The following DYM variants were observed in gnomAD, a reference collection of about 807,000 sequenced individuals.
The protein encoded by DYM is dyggve-Melchior-Clausen syndrome protein.
Under a neutral mutation model 93.1 loss-of-function variants are expected in DYM, and 78 were observed. The ratio of observed to expected loss-of-function variants is 0.84; its 90% CI spans 0.70 to 1.01. The LOEUF is 1.01. Among genes scored for constraint, DYM ranks in the 50% least tolerant of loss-of-function variants. The pLI, the probability that DYM is intolerant of heterozygous loss-of-function variation, is 0.00. For missense variants in DYM, 789 were observed against 845.0 expected (o/e 0.93, Z 0.82); for synonymous variants, 321 against 319.7 (o/e 1.00, Z -0.04).
At chr18:49,295,072 A>ATTAACAGT (rs113047659) in intron 8 of DYM, among the ~76,000 whole-genome samples, 14,340 of 152,062 alleles carry the variant, frequency 0.094, 850 homozygotes, top group East Asian at 0.3. Flanking sequence ...CTTTGGGGAA[A>ATTAACAGT]GTAATGAGGA....
In DYM at chr18:49,037,507, A is replaced by G. The variant is rs2070748763; in HGVS notation, c.*6548T>C. Among the ~76,000 whole-genome samples, 1 of 152,216 alleles carries G rather than the reference A, an allele frequency of 6.6e-6. No homozygotes were observed. Among genetic ancestry groups the G allele is most frequent in the Non-Finnish European group, 1.5e-5 (1 of 68,040 alleles). On this transcript the variant is annotated 3_prime_UTR_variant, in exon 18 of 18. Coordinates refer to ENST00000675505, the MANE Select transcript of DYM (RefSeq NM_001353214.3). ...TGTTCACTATCTGGGTGACAGGATC[A>G]TTAGGAGCCCAAACCTCAGCATCAT... is the stretch of plus-strand genomic sequence containing the variant.
At chr18:49,364,934 T>G (rs1047191130) in intron 5 of DYM, among the ~76,000 whole-genome samples, 2 of 152,210 alleles carry the variant, frequency 1.3e-5, no homozygotes, top group African/African-American at 4.8e-5. Context: ...ATAAAGTATC[T>G]ATGCCTTGTG....
rs540189318 is a variant in DYM, at chr18:49,195,916, CTTTTTTTTTTTT to C, written c.1625+13623_1625+13634del. Among the ~76,000 whole-genome samples the C allele has an allele frequency of 1.4e-4, 12 of 84,040 alleles. No individual in the cohort carries two copies. In the East Asian group the frequency reaches 3.0e-3, roughly 21 times the overall value. 55.1% of individuals were successfully genotyped at this position (84,040 alleles called of 152,430 possible). On this transcript the variant is annotated intron_variant, in intron 14 of 17. Transcript: ENST00000675505. The stretch of plus-strand genomic sequence containing the variant: ...ATTATGCTCTCTTGAATGCTACCAT[CTTTTTTTTTTTT>C]TTTTTTTTTTTTTGAGACGGAGCCT...
intron 14 of DYM, among the ~76,000 whole-genome samples, chr18:49,201,735 G>T (rs1351145154): frequency 6.6e-6 from 1 of 152,178 alleles, no homozygotes; most frequent in Non-Finnish European, 1.5e-5. Context: ...AGTTTTCCAT[G>T]CCTACTCTGC....
In DYM at chr18:49,060,538, G is replaced by A. The variant is rs564080444; in HGVS notation, c.2026-16334C>T. On this transcript the variant is annotated intron_variant, in intron 17 of 17. Coordinates refer to ENST00000675505, the MANE Select transcript of DYM (RefSeq NM_001353214.3). The stretch of plus-strand genomic sequence containing the variant: ...CACTACTGGACATAAATGATTTGAA[G>A]GTAGGCTCTCTGTGTGCCATGCAGC... Among the ~76,000 whole-genome samples, 9 of 150,434 alleles carry A rather than the reference G, an allele frequency of 6.0e-5. No homozygotes were observed. The South Asian group carries it at 1.9e-3, about 32-fold the overall frequency.
intron 1 of DYM, among the ~76,000 whole-genome samples, chr18:49,446,320 T>C (rs1111987): frequency 0.091 from 13,910 of 152,128 alleles, 860 homozygotes; most frequent in East Asian, 0.31. Flanking sequence ...GAAAATGAGA[T>C]TAAAAAGTGG....
chr18:49,298,343 G>T (rs532898557), intron 8 of DYM, among the ~76,000 whole-genome samples: 34 of 152,172 alleles, frequency 2.2e-4, no homozygotes, highest in Non-Finnish European at 4.6e-4. Flanking sequence ...ACCTTGGGAG[G>T]CCAAGGCAGG....
chr18:49,368,681 T>C (rs1599719704), intron 5 of DYM: 1 of 152,184 alleles, frequency 6.6e-6, no homozygotes, highest in African/African-American at 2.4e-5. Context: ...CCTGCTGCCG[T>C]GGCAGCCGAA....
At chr18:49,202,273 A>T (rs2092058339) in intron 14 of DYM, among the ~76,000 whole-genome samples, 1 of 152,230 alleles carries the variant, frequency 6.6e-6, no homozygotes, top group South Asian at 2.1e-4. Flanking sequence ...TCAGAGCAAC[A>T]CACAGGGGGT....
intron 17 of DYM, among the ~76,000 whole-genome samples, chr18:49,056,534 ATTTAT>A (rs1461531327): frequency 2.0e-5 from 3 of 152,004 alleles, no homozygotes; most frequent in African/African-American, 7.2e-5. Flanking sequence ...TTCCTGCTTT[ATTTAT>A]TTTATTATTA....
At chr18:49,200,542 G>A (rs144639549) in intron 14 of DYM, among the ~76,000 whole-genome samples, 149 of 151,298 alleles carry the variant, frequency 9.8e-4, no homozygotes, top group African/African-American at 3.4e-3. Context: ...TATTTTAATG[G>A]CTGTATGATA....
intron 17 of DYM, among the ~76,000 whole-genome samples, chr18:49,085,523 A>G (rs1729048805): frequency 6.6e-6 from 1 of 151,924 alleles, no homozygotes; most frequent in Non-Finnish European, 1.5e-5. Context: ...GAGATTAGGA[A>G]GTTCCCTGAA....
At chr18:49,098,050 T>G (rs990196834) in intron 16 of DYM, among the ~76,000 whole-genome samples, 1 of 152,196 alleles carries the variant, frequency 6.6e-6, no homozygotes, top group Admixed American at 6.5e-5. Flanking sequence ...TTTTGCTTCA[T>G]GTTATAGCAC....
chr18:49,412,235 T>TAA (rs2072331262), intron 2 of DYM, among the ~76,000 whole-genome samples: 1 of 60,590 alleles, frequency 1.7e-5, no homozygotes, highest in Non-Finnish European at 4.1e-5. Context: ...AAACATTGAC[T>TAA]TAAAAAAAAA....
chr18:49,190,696 GAAC>G (rs1223740824), intron 14 of DYM, among the ~76,000 whole-genome samples: 1 of 152,100 alleles, frequency 6.6e-6, no homozygotes, highest in Non-Finnish European at 1.5e-5. Context: ...ACAGTGCCTT[GAAC>G]AACACAGGGT....
At chr18:49,230,440 T>C (rs571194036) in intron 13 of DYM, among the ~76,000 whole-genome samples, 1 of 152,120 alleles carries the variant, frequency 6.6e-6, no homozygotes, top group Non-Finnish European at 1.5e-5. Context: ...CAAAAAAATC[T>C]TACTACCTCA....
intron 14 of DYM, among the ~76,000 whole-genome samples, chr18:49,186,910 A>T (rs2090486648): frequency 6.7e-6 from 1 of 148,428 alleles, no homozygotes; most frequent in Non-Finnish European, 1.5e-5. Context: ...CACTGCCGGT[A>T]CACAATCTTC....
chr18:49,224,376 G>T (rs2093460048), intron 13 of DYM, among the ~76,000 whole-genome samples: 1 of 152,074 alleles, frequency 6.6e-6, no homozygotes, highest in Admixed American at 6.6e-5. Flanking sequence ...ATGTATGTTT[G>T]TGAGTCATCG....
At chr18:49,397,622 C>T (rs1266787240) in intron 2 of DYM, among the ~76,000 whole-genome samples, 1 of 152,124 alleles carries the variant, frequency 6.6e-6, no homozygotes, top group African/African-American at 2.4e-5. Flanking sequence ...GTGAAGTGCA[C>T]TTTTTAAAAG....
Sources: allele counts gnomAD v4.1 joint callset (sites outside exome capture counted in the v4.1 genomes callset), GRCh38; gene constraint gnomAD v4.1.1; transcripts MANE v1.5; gene names NCBI Gene and HGNC (gene_info 2026-07-23, HGNC 2026-07-21).